Variants in FERRY3 observed in about 807,000 individuals in gnomAD.
The protein encoded by FERRY3 is FERRY endosomal RAB5 effector complex subunit 3, also known as protein C12orf4.
chr12:4,517,199 C>T, the FERRY3 span: 3 of 1,520,672 alleles, frequency 2.0e-6, no homozygotes, highest in Admixed American at 4.1e-5. Context: ...TCTAAGGGAC[C>T]CAAAACATTT....
At chr12:4,498,878 G>A in the FERRY3 span, among the ~76,000 whole-genome samples, 1 of 152,284 alleles carries the variant, frequency 6.6e-6, no homozygotes, top group Admixed American at 6.5e-5. Context: ...TCCTATGACA[G>A]TCTAATGTGG....
chr12:4,520,744 C>T, the FERRY3 span, among the ~76,000 whole-genome samples: 3 of 152,088 alleles, frequency 2.0e-5, no homozygotes, highest in African/African-American at 4.8e-5. Flanking sequence ...AACCAAACAC[C>T]ACCTATTCCC....
the FERRY3 span, chr12:4,489,744 C>G: frequency 8.4e-7 from 1 of 1,197,448 alleles, no homozygotes; most frequent in Middle Eastern, 2.0e-4. Flanking sequence ...AGATTCCCAG[C>G]ATAGCACAAG....
chr12:4,498,828 C>T, the FERRY3 span, among the ~76,000 whole-genome samples: 2 of 152,192 alleles, frequency 1.3e-5, no homozygotes, highest in Non-Finnish European at 2.9e-5. Flanking sequence ...AGCACGCAAC[C>T]TAGCTCCCTC....
the FERRY3 span, among the ~76,000 whole-genome samples, chr12:4,499,369 A>G: frequency 6.6e-6 from 1 of 152,292 alleles, no homozygotes; most frequent in Middle Eastern, 3.4e-3. Context: ...TTCATCACCA[A>G]GTTGAGCACT....
At chr12:4,528,940 A>ACAC in the FERRY3 span, among the ~76,000 whole-genome samples, 49 of 117,350 alleles carry the variant, frequency 4.2e-4, no homozygotes, top group Middle Eastern at 4.3e-3. Flanking sequence ...CACACACACA[A>ACAC]ACAAAAGTGA....
At chr12:4,500,061 A>C in the FERRY3 span, 1 of 1,352,440 alleles carries the variant, frequency 7.4e-7, no homozygotes, top group Non-Finnish European at 1.0e-6. Context: ...AAAGTGGATT[A>C]TTATATAATA....
At chr12:4,523,359 G>A in the FERRY3 span, among the ~76,000 whole-genome samples, 1 of 152,222 alleles carries the variant, frequency 6.6e-6, no homozygotes, top group African/African-American at 2.4e-5. Context: ...TACACTGTTG[G>A]TGGGACTGTA....
the FERRY3 span, among the ~76,000 whole-genome samples, chr12:4,511,652 C>A: frequency 6.0e-5 from 9 of 151,020 alleles, no homozygotes; most frequent in African/African-American, 2.2e-4. Context: ...GGGTACATAA[C>A]AAAATGAAGG....
the FERRY3 span, chr12:4,518,683 C>G: frequency 2.4e-6 from 2 of 833,376 alleles, no homozygotes; most frequent in Non-Finnish European, 3.6e-6. Flanking sequence ...CATAGCGAAA[C>G]CTTTTCTCTA....
the FERRY3 span, among the ~76,000 whole-genome samples, chr12:4,513,431 G>A: frequency 3.3e-5 from 5 of 150,638 alleles, no homozygotes; most frequent in African/African-American, 4.9e-5. Flanking sequence ...AGCCCGCATC[G>A]CCAAGTCAAT....
At chr12:4,535,000 T>G in the FERRY3 span, among the ~76,000 whole-genome samples, 2 of 152,192 alleles carry the variant, frequency 1.3e-5, no homozygotes, top group East Asian at 3.8e-4. Flanking sequence ...GAGTTTTCCA[T>G]GTAACTTTAA....
chr12:4,523,657 T>C, the FERRY3 span, among the ~76,000 whole-genome samples: 1 of 152,202 alleles, frequency 6.6e-6, no homozygotes, highest in African/African-American at 2.4e-5. Context: ...ATGTCCTTTG[T>C]AGGGATATGG....
chr12:4,538,161 T>C, the FERRY3 span, among the ~76,000 whole-genome samples: 1 of 152,198 alleles, frequency 6.6e-6, no homozygotes, highest in Non-Finnish European at 1.5e-5. Flanking sequence ...TTTAGACTAA[T>C]GGTCTATCCT....
At chr12:4,499,538 A>G in the FERRY3 span, among the ~76,000 whole-genome samples, 1 of 152,222 alleles carries the variant, frequency 6.6e-6, no homozygotes, top group Admixed American at 6.5e-5. Context: ...CCATTCATGG[A>G]AAAAGACTGT....
At chr12:4,520,312 A>T in the FERRY3 span, among the ~76,000 whole-genome samples, 9 of 152,346 alleles carry the variant, frequency 5.9e-5, no homozygotes, top group Non-Finnish European at 1.2e-4. Flanking sequence ...AAGATACACG[A>T]GGCTTGACCA....
the FERRY3 span, among the ~76,000 whole-genome samples, chr12:4,497,877 TTC>T: frequency 6.6e-5 from 10 of 152,342 alleles, no homozygotes; most frequent in East Asian, 1.9e-3. Flanking sequence ...TGTCTAACAA[TTC>T]TGTTAGAAGA....
chr12:4,503,078 T>G, the FERRY3 span, among the ~76,000 whole-genome samples: 1 of 152,182 alleles, frequency 6.6e-6, no homozygotes, highest in East Asian at 1.9e-4. Flanking sequence ...AAGTCATAGC[T>G]TGAGATATGG....
At chr12:4,526,096 G>C in the FERRY3 span, among the ~76,000 whole-genome samples, 1 of 152,174 alleles carries the variant, frequency 6.6e-6, no homozygotes, top group African/African-American at 2.4e-5. Flanking sequence ...ACAGTCTGAA[G>C]ATGTTAGTCA....
Sources: gnomAD v4.1 joint callset for allele counts (sites outside exome capture counted in the v4.1 genomes callset) on GRCh38, gnomAD v4.1.1 for gene constraint, MANE v1.5 for transcripts, NCBI Gene and HGNC (gene_info 2026-07-23, HGNC 2026-07-21) for gene names.